The following FOXA1 variants were observed in gnomAD, a reference collection of about 807,000 sequenced individuals.
FOXA1 encodes forkhead box A1.
A neutral mutation model predicts 29.2 loss-of-function variants in FOXA1; 9 were observed. The observed-to-expected ratio is 0.31, with a 90% CI of 0.19 to 0.54. FOXA1 has a LOEUF of 0.54. Among genes scored for constraint, FOXA1 ranks in the 20% least tolerant of loss-of-function variants. The pLI is 0.95. For synonymous variants in FOXA1, 340 were observed against 300.9 expected (o/e 1.13, Z -1.34); for missense variants, 644 against 681.2 (o/e 0.95, Z 0.61).
At position 37,590,045 on chromosome 14, in the gene FOXA1, G is replaced by A. The variant is rs1172799257; in HGVS notation, c.*1320C>T. ...GCAAATGATCAAGAACATTTTCCAC[G>A]GCTTAAAATCTGGTATTATTTTTGT... On this transcript the variant is annotated 3_prime_UTR_variant, in exon 2 of 2. Coordinates refer to ENST00000250448, the MANE Select transcript of FOXA1 (RefSeq NM_004496.5). 4.3e-6 allele frequency: 1 copy of A among 231,470 alleles called. No homozygotes were observed. Among genetic ancestry groups the A allele is most frequent in the Non-Finnish European group, 8.5e-6 (1 of 117,300 alleles). 14.3% of individuals were successfully genotyped at this position (231,470 alleles called of 1,614,324 possible). A position where few individuals can be genotyped will look rare whatever the true frequency, so the allele number is the denominator to read the frequency against.
rs2139181968 is a variant in FOXA1 at position 37,592,069 on chromosome 14, C to T, written c.715G>A (p.Gly239Ser). ...VKVARSPDKPGKGSYWTLHPD... is the reference protein window; with the variant it reads ...VKVARSPDKPSKGSYWTLHPD... ...TGCAGCGTCCAGTAGGAGCCCTTGC[C>T]CGGCTTGTCCGGGGAGCGTGCCACC... The change falls in exon 2 of 2, where the codon GGC becomes AGC. Residue 239 changes from glycine (G) to serine (S), a missense_variant. Coordinates refer to ENST00000250448, the MANE Select transcript of FOXA1 (RefSeq NM_004496.5). 6.2e-7 allele frequency: 1 copy of T among 1,610,300 alleles called. No individual in the cohort carries two copies. Among genetic ancestry groups the T allele is most frequent in the Non-Finnish European group, 8.5e-7 (1 of 1,178,046 alleles).
rs527490484 is a variant in FOXA1 at position 37,592,013 on chromosome 14, G to A, written c.771C>T (p.Gly257=). ...AGCGCTTCTGGCGGCGCAAGTAGCA[G>A]CCGTTCTCGAACATGTTGCCGGAGT... is the stretch of plus-strand genomic sequence containing the variant. ...HPDSGNMFEN[G]CYLRRQKRFK... is the part of the protein sequence containing the mutation. The change falls in exon 2 of 2, where the codon GGC becomes GGT. Residue 257 remains glycine, a synonymous_variant. Coordinates refer to ENST00000250448, the MANE Select transcript of FOXA1 (RefSeq NM_004496.5). 1.7e-5 allele frequency: 27 copies of A among 1,605,084 alleles called. 1 individual carries two copies. The Middle Eastern group carries it at 1.0e-3, about 61-fold the overall frequency.
rs1373190561 is a variant in FOXA1, at chr14:37,591,404, G to C, written c.1380C>G (p.Tyr460Ter). ...IEPSALEPAYYQGVYSRPVLN... is the reference protein window; with the variant it reads ...IEPSALEPAY Reference sequence around the variant, plus strand: ...GGACGGGTCTGGAATACACACCTTGGTAGTACGCCGGCTCCAGGGCTGAGG... The same window carrying C: ...GGACGGGTCTGGAATACACACCTTGCTAGTACGCCGGCTCCAGGGCTGAGG... Residue 460 changes from tyrosine to a stop codon, truncating the protein, a stop_gained, in exon 2 of 2, where the codon TAC (tyrosine) becomes TAG (stop). Transcript: ENST00000250448. LOFTEE classifies it high-confidence loss of function. The C allele has an allele frequency of 6.2e-7, 1 of 1,613,926 alleles. No individual in the cohort carries two copies. Among genetic ancestry groups the C allele is most frequent in the Non-Finnish European group, 8.5e-7 (1 of 1,180,048 alleles).
In FOXA1 at chr14:37,591,963, G is replaced by A; in HGVS notation, c.821C>T (p.Ala274Val). 6.5e-7 allele frequency: 1 copy of A among 1,543,936 alleles called. No homozygotes were observed. Among genetic ancestry groups the A allele is most frequent in the Non-Finnish European group, 8.7e-7 (1 of 1,149,352 alleles). Reference protein sequence around the residue: ...KRFKCEKQPGAGGGGGSGSGG... With the variant: ...KRFKCEKQPGVGGGGGSGSGG... ...GCTTCCGCTCCCGCCCCCGCCGCCG[G>A]CCCCCGGCTGCTTCTCGCACTTGAA... The change falls in exon 2 of 2, where the codon GCC becomes GTC. Residue 274 changes from alanine (A) to valine (V), a missense_variant. This residue lies in a region of FOXA1 where 295 missense variants were observed against 294.4 expected (regional missense o/e 1.00). Coordinates refer to ENST00000250448, the MANE Select transcript of FOXA1 (RefSeq NM_004496.5).
At position 37,591,723 on chromosome 14, in the gene FOXA1, G is replaced by C. The variant is rs1319052552; in HGVS notation, c.1061C>G (p.Ser354Cys). 1 of 1,580,048 alleles carries C rather than the reference G, an allele frequency of 6.3e-7. No individual in the cohort carries two copies. Among genetic ancestry groups the C allele is most frequent in the East Asian group, 2.3e-5 (1 of 43,152 alleles). Residue 354 changes from serine (S) to cysteine (C), a missense_variant, in exon 2 of 2, where the codon TCC becomes TGC. Around this residue, in one of 5 missense-constraint regions of FOXA1, gnomAD observed 295 missense variants for 294.4 expected, o/e 1.00. Transcript: ENST00000250448. ...GGAGCTTATGGGGGGCGCAGTTGAG[G>C]AGGCTGGAGTCTTCAACTCCGAGGC... is the stretch of plus-strand genomic sequence containing the variant. ...GGASELKTPASSTAPPISSGP... is the reference protein window; with the variant it reads ...GGASELKTPACSTAPPISSGP...
chr14:37,594,469 C>A, intron 1 of FOXA1: 6 of 752,842 alleles, frequency 8.0e-6, no homozygotes, highest in Non-Finnish European at 9.8e-6. Flanking sequence ...CGGCAGAGCG[C>A]TTTAATCAGA....
chr14:37,594,008 A>G, intron 1 of FOXA1: 1 of 1,119,196 alleles, frequency 8.9e-7, no homozygotes, highest in East Asian at 6.6e-5. Context: ...AATCTAAATA[A>G]GTCAGTTACC....
chr14:37,590,834 G>C lies in FOXA1; in HGVS notation c.*531C>G. Reference sequence around the variant, plus strand: ...TCTGTTTATGTCTTGCTATATAACAGCAGTATTGTCTTTCAATACTTTTAA... The same window carrying C: ...TCTGTTTATGTCTTGCTATATAACACCAGTATTGTCTTTCAATACTTTTAA... On this transcript the variant is annotated 3_prime_UTR_variant, in exon 2 of 2. Coordinates refer to ENST00000250448, the MANE Select transcript of FOXA1 (RefSeq NM_004496.5). The C allele has an allele frequency of 3.9e-6, 1 of 259,374 alleles. No homozygotes were observed. Among genetic ancestry groups the C allele is most frequent in the South Asian group, 1.1e-4 (1 of 8,958 alleles). The allele number at this position is 259,374 out of a possible 1,614,324, so 16.1% of individuals were successfully genotyped here. A position where few individuals can be genotyped will look rare whatever the true frequency, so the allele number is the denominator to read the frequency against.
At position 37,591,790 on chromosome 14, in the gene FOXA1, G is replaced by T. The variant is rs1159410516; in HGVS notation, c.994C>A (p.Pro332Thr). Reference protein sequence around the residue: ...GAPAPGPAASPQTLDHSGATA... With the variant: ...GAPAPGPAASTQTLDHSGATA... ...GCCCCACTGTGGTCCAGAGTCTGGG[G>T]GCTGGCGGCGGGCCCGGGGGCCGGC... Residue 332 changes from proline to threonine, a missense_variant, in exon 2 of 2, where the codon CCC becomes ACC. Transcript: ENST00000250448. 1 of 1,470,612 alleles carries T rather than the reference G, an allele frequency of 6.8e-7. No homozygotes were observed. Among genetic ancestry groups the T allele is most frequent in the Admixed American group, 2.6e-5 (1 of 38,924 alleles). 91.1% of individuals were successfully genotyped at this position (1,470,612 alleles called of 1,614,324 possible). A position where few individuals can be genotyped will look rare whatever the true frequency, so the allele number is the denominator to read the frequency against.
In FOXA1 at chr14:37,591,668, G is replaced by A. The variant is rs780031833; in HGVS notation, c.1116C>T (p.Ala372=). Residue 372 remains alanine (A), a synonymous_variant, in exon 2 of 2, where the codon GCC becomes GCT. Coordinates refer to ENST00000250448, the MANE Select transcript of FOXA1 (RefSeq NM_004496.5). ...SGPGALASVP[A]SHPAHGLAPH... ...GTGCCAAGCCGTGTGCCGGGTGAGA[G>A]GCGGGCACAGAGGCCAGCGCCCCGG... The A allele has an allele frequency of 8.6e-5, 137 of 1,591,822 alleles. No homozygotes were observed. The highest frequency in any genetic ancestry group is 1.1e-4 in the Non-Finnish European group (133 of 1,168,680).
intron 1 of FOXA1, chr14:37,594,356 C>A: frequency 9.2e-7 from 1 of 1,082,218 alleles, no homozygotes; most frequent in East Asian, 8.7e-5. Context: ...TAGCGCCACC[C>A]AGCGGTTTTA....
Position 37,594,898 on chromosome 14 carries a change from C to T in FOXA1, c.72+3G>A, listed in dbSNP as rs775932738. 1 of 1,567,010 alleles carries T rather than the reference C, an allele frequency of 6.4e-7. No individual in the cohort carries two copies. The highest frequency in any genetic ancestry group is 8.7e-7 in the Non-Finnish European group (1 of 1,151,142). On this transcript the variant is annotated splice_donor_region_variant and intron_variant, in intron 1 of 1. Coordinates refer to ENST00000250448, the MANE Select transcript of FOXA1 (RefSeq NM_004496.5). ...CGGCCGCCCGCCTCGCCTTGCCTCT[C>T]ACCTCCTGCGTGTCTGCGTAGTAGC...
chr14:37,590,925 C>T lies in FOXA1; in HGVS notation c.*440G>A, dbSNP rs1159640719. On this transcript the variant is annotated 3_prime_UTR_variant, in exon 2 of 2. Coordinates refer to ENST00000250448, the MANE Select transcript of FOXA1 (RefSeq NM_004496.5). ...TTATGGTTAAGAGTATTGCCACAGA[C>T]CTGTAAACTCGTAGGGGGTCAGGTA... 3 of 368,860 alleles carry T rather than the reference C, an allele frequency of 8.1e-6. No individual in the cohort carries two copies. In the Admixed American group the frequency reaches 1.3e-4, roughly 16 times the overall value. 22.8% of individuals were successfully genotyped at this position (368,860 alleles called of 1,614,324 possible). A position where few individuals can be genotyped will look rare whatever the true frequency, so the allele number is the denominator to read the frequency against.
chr14:37,592,682 C>A lies in FOXA1; in HGVS notation c.102G>T (p.Met34Ile), dbSNP rs1375221568. 2.5e-6 allele frequency: 4 copies of A among 1,613,760 alleles called. No individual in the cohort carries two copies. Among genetic ancestry groups the A allele is most frequent in the African/African-American group, 2.7e-5 (2 of 74,942 alleles). Residue 34 changes from methionine (M) to isoleucine (I), a missense_variant, in exon 2 of 2, where the codon ATG becomes ATT. Met to Ile is a conservative substitution (Grantham distance 10). Transcript: ENST00000250448. Reference sequence around the variant, plus strand: ...AGTTCATGGAGCCCAGGCCTGAGTTCATGTTGCTGACCGGGACGGAGGAGT... The same window carrying A: ...AGTTCATGGAGCCCAGGCCTGAGTTAATGTTGCTGACCGGGACGGAGGAGT... ...EAYSSVPVSNMNSGLGSMNSM... is the reference protein window; with the variant it reads ...EAYSSVPVSNINSGLGSMNSM...
chr14:37,594,463 A>C (rs1037242844), intron 1 of FOXA1: 1 of 821,622 alleles, frequency 1.2e-6, no homozygotes. Context: ...ACTTGGCGGC[A>C]GAGCGCTTTA....
rs2095596995 is a variant in FOXA1 at position 37,592,519 on chromosome 14, A to G, written c.265T>C (p.Ser89Pro). 6.2e-7 allele frequency: 1 copy of G among 1,612,796 alleles called. No homozygotes were observed. Among genetic ancestry groups the G allele is most frequent in the Admixed American group, 1.7e-5 (1 of 59,970 alleles). Residue 89 changes from serine (S) to proline (P), a missense_variant, in exon 2 of 2, where the codon TCG (serine) becomes CCG (proline). By Grantham distance (74) the Ser-to-Pro change is moderately conservative (BLOSUM62 -1). Around this residue, in one of 5 missense-constraint regions of FOXA1, gnomAD observed 309 missense variants for 307.0 expected, o/e 1.01. Transcript: ENST00000250448. ...PGAVAGMPGG[S>P]AGAMNSMTAA... ...GTCATGCTGTTCATGGCGCCCGCCG[A>G]GCCCCCCGGCATGCCGGCTACTGCG... is the stretch of plus-strand genomic sequence containing the variant.
At position 37,594,132 on chromosome 14, in the gene FOXA1, G is replaced by A. The variant is rs1056192478; in HGVS notation, c.72+769C>T. 3.9e-6 allele frequency: 5 copies of A among 1,287,572 alleles called. No homozygotes were observed. In the African/African-American group the frequency reaches 4.6e-5, roughly 12 times the overall value. The allele number at this position is 1,287,572 out of a possible 1,614,324, so 79.8% of individuals were successfully genotyped here. ...AGATTATCCAAGGCAGTTCCAATAC[G>A]CGTTTTCAATAATGGTAATTAAACT... On this transcript the variant is annotated intron_variant, in intron 1 of 1. Coordinates refer to ENST00000250448, the MANE Select transcript of FOXA1 (RefSeq NM_004496.5).
intron 1 of FOXA1, chr14:37,594,696 G>T: frequency 3.9e-6 from 1 of 256,624 alleles, no homozygotes; most frequent in Non-Finnish European, 7.2e-6. Context: ...GGCTGCGAGA[G>T]TCGGGACAGA....
intron 1 of FOXA1, 119 bp downstream of exon 1, chr14:37,594,782 A>C: frequency 5.0e-5 from 28 of 558,262 alleles, no homozygotes; most frequent in Admixed American, 1.1e-4. Context: ...CAGCGGTGGC[A>C]CCGAGAAGGC....
Sources: allele counts gnomAD v4.1 joint callset, GRCh38; gene constraint gnomAD v4.1.1; regional missense constraint gnomAD v4.1.1; transcripts MANE v1.5; gene names NCBI Gene and HGNC (gene_info 2026-07-23, HGNC 2026-07-21).